The following LRP12 variants were observed in gnomAD, a reference collection of about 807,000 sequenced individuals.
LRP12 encodes the protein LDL receptor related protein 12, also known as low-density lipoprotein receptor-related protein 12.
LRP12 carries 14 observed loss-of-function variants against 66.0 expected under a neutral mutation model. The ratio of observed to expected loss-of-function variants is 0.21; its 90% CI spans 0.14 to 0.33. The LOEUF is 0.33. Ranked by LOEUF, LRP12 falls within the 10% of genes least tolerant of loss-of-function variation. The probability of loss-of-function intolerance (pLI) is 1.00; values close to 1 mark genes in which losing one functional copy is unlikely to be tolerated. For missense variants in LRP12, 889 were observed against 1,053.4 expected, an observed-to-expected ratio of 0.84 and a Z score of 2.16; for synonymous variants, 357 against 359.1, an observed-to-expected ratio of 0.99 and a Z score of 0.07.
At chr8:104,576,038 C>T (rs891690851) in intron 1 of LRP12, among the ~76,000 whole-genome samples, 3 of 151,922 alleles carry the variant, frequency 2.0e-5, no homozygotes, top group Non-Finnish European at 4.4e-5. Flanking sequence ...TGAAGACTGG[C>T]GTTCTGAAAC....
intron 1 of LRP12, among the ~76,000 whole-genome samples, chr8:104,561,059 T>C (rs1811900001): frequency 6.6e-6 from 1 of 152,226 alleles, no homozygotes; most frequent in African/African-American, 2.4e-5. Flanking sequence ...ACGGTTTCTG[T>C]TGCAACTACT....
intron 2 of LRP12, among the ~76,000 whole-genome samples, chr8:104,529,642 G>C (rs1049493077): frequency 3.9e-5 from 6 of 152,178 alleles, no homozygotes; most frequent in African/African-American, 1.4e-4. Context: ...CTCATACTCT[G>C]TAATAATCTG....
chr8:104,576,714 T>C (rs1356136231), intron 1 of LRP12, among the ~76,000 whole-genome samples: 1 of 151,948 alleles, frequency 6.6e-6, no homozygotes, highest in Non-Finnish European at 1.5e-5. Context: ...GTCTGCAAAA[T>C]AACCAGGAAA....
At chr8:104,570,979 T>C (rs1160625193) in intron 1 of LRP12, among the ~76,000 whole-genome samples, 3 of 152,152 alleles carry the variant, frequency 2.0e-5, no homozygotes, top group Non-Finnish European at 4.4e-5. Context: ...TCAATATCAT[T>C]AGCCATTAAA....
intron 1 of LRP12, among the ~76,000 whole-genome samples, chr8:104,539,706 ATTTC>A (rs997774839): frequency 2.0e-5 from 3 of 152,064 alleles, no homozygotes; most frequent in Non-Finnish European, 2.9e-5. Context: ...ATAGTTTTAA[ATTTC>A]TTTCTTAGTT....
In LRP12 at chr8:104,528,373, A is replaced by G. The variant is rs181367617; in HGVS notation, c.136+3534T>C. On this transcript the variant is annotated intron_variant, in intron 2 of 6. Coordinates refer to ENST00000276654, the MANE Select transcript of LRP12 (RefSeq NM_013437.5). ...AGATTCTTCCAAAGGCTACCTCTCT[A>G]TTTAGACCAGCACTGAAGGGGCCCT... is the stretch of plus-strand genomic sequence containing the variant. 6.0e-4 allele frequency among the ~76,000 whole-genome samples: 92 copies of G among 152,282 alleles called. 1 individual carries two copies. The East Asian group carries it at 0.015, about 26-fold the overall frequency.
At chr8:104,514,658 A>G (rs922478857) in intron 2 of LRP12, among the ~76,000 whole-genome samples, 5 of 152,124 alleles carry the variant, frequency 3.3e-5, no homozygotes, top group African/African-American at 1.2e-4. Flanking sequence ...CCTGGGCAAC[A>G]GAGCAAGACT....
At chr8:104,579,132 T>C (rs1812208610) in intron 1 of LRP12, among the ~76,000 whole-genome samples, 1 of 152,080 alleles carries the variant, frequency 6.6e-6, no homozygotes, top group African/African-American at 2.4e-5. Flanking sequence ...GAAGAGAGGA[T>C]GTCAAATTAT....
chr8:104,572,201 G>A (rs1207945686), intron 1 of LRP12, among the ~76,000 whole-genome samples: 6 of 152,104 alleles, frequency 3.9e-5, no homozygotes, highest in African/African-American at 1.4e-4. Context: ...TTCTTAAAAA[G>A]ACAAAACTAT....
At chr8:104,507,195 C>T (rs1206871913) in intron 3 of LRP12, 1 of 152,090 alleles carries the variant, frequency 6.6e-6, no homozygotes, top group East Asian at 1.9e-4. Flanking sequence ...GCAGGTGTGT[C>T]ATCTTTTTAA....
At chr8:104,535,510 TTC>T (rs1375109363) in intron 1 of LRP12, among the ~76,000 whole-genome samples, 1 of 151,998 alleles carries the variant, frequency 6.6e-6, no homozygotes, top group Admixed American at 6.6e-5. Context: ...TTTTATATAT[TTC>T]TGTCCTTTTT....
At chr8:104,550,075 T>C (rs1811703853) in intron 1 of LRP12, among the ~76,000 whole-genome samples, 4 of 152,202 alleles carry the variant, frequency 2.6e-5, no homozygotes, top group African/African-American at 9.7e-5. Context: ...CTGCAATTTT[T>C]TTATTTGACT....
chr8:104,495,041 G>A, intron 6 of LRP12, 36 bp downstream of exon 6: 3 of 1,585,668 alleles, frequency 1.9e-6, no homozygotes, highest in Non-Finnish European at 2.6e-6. Flanking sequence ...TTCATTTTAA[G>A]AGGAAATGTA....
intron 4 of LRP12, among the ~76,000 whole-genome samples, chr8:104,498,913 G>C (rs1024922276): frequency 1.3e-5 from 2 of 152,060 alleles, no homozygotes; most frequent in African/African-American, 4.8e-5. Context: ...AAAAGATGTC[G>C]TTTTTTCTGA....
At chr8:104,520,871 T>A (rs1811137299) in intron 2 of LRP12, among the ~76,000 whole-genome samples, 1 of 152,030 alleles carries the variant, frequency 6.6e-6, no homozygotes. Context: ...AGTTACAGAC[T>A]GGAAAAGAAA....
chr8:104,499,602 A>G, intron 3 of LRP12, 83 bp from the exon 4 acceptor site: 1 of 845,200 alleles, frequency 1.2e-6, no homozygotes, highest in South Asian at 1.7e-5. Flanking sequence ...GGATATTATT[A>G]TAAGCCTCCA....
chr8:104,585,513 A>G (rs911724104), intron 1 of LRP12, among the ~76,000 whole-genome samples: 20 of 152,322 alleles, frequency 1.3e-4, no homozygotes, highest in African/African-American at 4.6e-4. Flanking sequence ...GGCTTGAGTC[A>G]CCACGCCTGG....
At chr8:104,500,261 T>C (rs1169253336) in intron 3 of LRP12, among the ~76,000 whole-genome samples, 1 of 152,232 alleles carries the variant, frequency 6.6e-6, no homozygotes, top group East Asian at 1.9e-4. Context: ...TCTGACTTTA[T>C]ATTCTTGCCT....
chr8:104,508,886 T>C, intron 3 of LRP12, 53 bp downstream of exon 3: 1 of 1,475,990 alleles, frequency 6.8e-7, no homozygotes, highest in Non-Finnish European at 9.2e-7. Context: ...TAAATGAAAA[T>C]GGAATTTATG....
Sources: allele counts gnomAD v4.1 joint callset (sites outside exome capture counted in the v4.1 genomes callset), GRCh38; gene constraint gnomAD v4.1.1; transcripts MANE v1.5; gene names NCBI Gene and HGNC (gene_info 2026-07-23, HGNC 2026-07-21).